The following MVB12B variants were observed in gnomAD, a reference collection of about 807,000 sequenced individuals.
The protein encoded by MVB12B is multivesicular body subunit 12B.
In MVB12B, 16 loss-of-function variants were observed where a neutral mutation model predicts 41.6. The observed-to-expected ratio is 0.38, with a 90% confidence interval of 0.26 to 0.58. The LOEUF is 0.58. MVB12B is among the 20% of genes least tolerant of loss of function. MVB12B has a pLI of 0.62. For missense variants in MVB12B, 274 were observed against 380.2 expected, an observed-to-expected ratio of 0.72 and a Z score of 2.32; for synonymous variants, 133 against 139.7, an observed-to-expected ratio of 0.95 and a Z score of 0.34.
intron 3 of MVB12B, among the ~76,000 whole-genome samples, chr9:126,384,190 C>T (rs1338411650): frequency 6.6e-6 from 1 of 152,118 alleles, no homozygotes; most frequent in Admixed American, 6.5e-5. Flanking sequence ...CCTACACGGT[C>T]AGAGATTTAT....
Position 126,376,357 on chromosome 9 carries a change from A to G in MVB12B, c.205-4707A>G. 2.2e-6 allele frequency: 1 copy of G among 459,740 alleles called. No individual in the cohort carries two copies. Among genetic ancestry groups the G allele is most frequent in the South Asian group, 1.7e-5 (1 of 59,802 alleles). The allele number at this position is 459,740 out of a possible 1,614,324, so 28.5% of individuals were successfully genotyped here. ...CCCCCTATTCTCTTTGCTACCTTCA[A>G]GCTCCCTTTTTTCTATTTTGGGCCC... On this transcript the variant is annotated intron_variant, in intron 2 of 9. Transcript: ENST00000361171. The surrounding 1 kb of genome is among the most constrained non-coding windows in gnomAD (Gnocchi z 4.1).
At chr9:126,354,687 G>A (rs1002774248) in intron 2 of MVB12B, among the ~76,000 whole-genome samples, 5 of 152,186 alleles carry the variant, frequency 3.3e-5, no homozygotes, top group African/African-American at 9.7e-5. Context: ...ACACACATGC[G>A]TGGGAATGCA....
intron 9 of MVB12B, among the ~76,000 whole-genome samples, chr9:126,490,312 G>C (rs1833706052): frequency 6.6e-6 from 1 of 152,146 alleles, no homozygotes; most frequent in Non-Finnish European, 1.5e-5. Flanking sequence ...ATCCGTGGAA[G>C]ACCTCACCAT....
At chr9:126,337,177 T>C (rs1829307776) in intron 1 of MVB12B, among the ~76,000 whole-genome samples, 1 of 152,092 alleles carries the variant, frequency 6.6e-6, no homozygotes, top group South Asian at 2.1e-4. Context: ...TTCCCCCTCC[T>C]CCTGATTGGC....
chr9:126,466,449 A>G (rs1421529121), intron 7 of MVB12B, among the ~76,000 whole-genome samples: 1 of 152,208 alleles, frequency 6.6e-6, no homozygotes, highest in Non-Finnish European at 1.5e-5. Flanking sequence ...TCAAGGGGTG[A>G]AGAAATAGAT....
intron 7 of MVB12B, among the ~76,000 whole-genome samples, chr9:126,461,993 T>C (rs1234828838): frequency 1.3e-5 from 2 of 152,280 alleles, no homozygotes; most frequent in African/African-American, 4.8e-5. Flanking sequence ...TCGCTGAGTC[T>C]GTGCTTTATG....
At chr9:126,481,862 G>A (rs1696270892) in intron 8 of MVB12B, among the ~76,000 whole-genome samples, 1 of 152,198 alleles carries the variant, frequency 6.6e-6, no homozygotes, top group Non-Finnish European at 1.5e-5. Context: ...ACTTAAGGAT[G>A]ACAATTTCCT....
chr9:126,494,772 A>G (rs1042616470), intron 9 of MVB12B, among the ~76,000 whole-genome samples: 1 of 152,148 alleles, frequency 6.6e-6, no homozygotes, highest in Non-Finnish European at 1.5e-5. Context: ...AATCTCTTCT[A>G]CAAACTATCT....
chr9:126,389,486 T>G lies in MVB12B; in HGVS notation c.410-2580T>G, dbSNP rs1830884886. 6.6e-6 allele frequency among the ~76,000 whole-genome samples: 1 copy of G among 152,206 alleles called. No homozygotes were observed. Among genetic ancestry groups the G allele is most frequent in the African/African-American group, 2.4e-5 (1 of 41,462 alleles). ...TGTTCATTAGCATGACTGAACACAT[T>G]TCTATTGACTATGTATAATATGTTT... is the stretch of plus-strand genomic sequence containing the variant. On this transcript the variant is annotated intron_variant, in intron 4 of 9. Coordinates refer to ENST00000361171, the MANE Select transcript of MVB12B (RefSeq NM_033446.3). This position sits in a 1 kb window ranked among gnomAD's most constrained non-coding sequence, Gnocchi z 4.4.
chr9:126,430,568 G>A (rs1330970199), intron 7 of MVB12B, among the ~76,000 whole-genome samples: 3 of 147,218 alleles, frequency 2.0e-5, no homozygotes, highest in Non-Finnish European at 4.5e-5. Flanking sequence ...GAGAATGGAG[G>A]CTCCCCTCTT....
At chr9:126,393,782 A>G (rs1263340197) in intron 5 of MVB12B, among the ~76,000 whole-genome samples, 2 of 152,226 alleles carry the variant, frequency 1.3e-5, no homozygotes, top group Non-Finnish European at 2.9e-5. Context: ...TTCCCTGGCC[A>G]GGGCTGGCAG....
Position 126,386,319 on chromosome 9 carries a change from G to C in MVB12B, c.313-243G>C, listed in dbSNP as rs1433531845. 6.6e-6 allele frequency among the ~76,000 whole-genome samples: 1 copy of C among 152,164 alleles called. No homozygotes were observed. The highest frequency in any genetic ancestry group is 2.4e-5 in the African/African-American group (1 of 41,418). ...CTAAAGCATCTCCTGGGTTGCTCCT[G>C]CCTCACCAAGGCCGTGTCTGAGTTG... On this transcript the variant is annotated intron_variant, in intron 3 of 9. Transcript: ENST00000361171. The surrounding 1 kb of genome is among the most constrained non-coding windows in gnomAD (Gnocchi z 4.3).
chr9:126,421,996 G>A (rs1387400590), intron 7 of MVB12B, 48 bp downstream of exon 7: 2 of 1,351,768 alleles, frequency 1.5e-6, no homozygotes, highest in East Asian at 2.4e-5. Flanking sequence ...TGTGTCCCGG[G>A]CGCCACCTCC....
chr9:126,416,831 C>T (rs1212885484), intron 6 of MVB12B, among the ~76,000 whole-genome samples: 1 of 152,276 alleles, frequency 6.6e-6, no homozygotes, highest in South Asian at 2.1e-4. Context: ...GCAGGTGGGG[C>T]TCCATCCCAC....
Position 126,473,789 on chromosome 9 carries a change from T to C in MVB12B, c.758-7580T>C, listed in dbSNP as rs1833370901. On this transcript the variant is annotated intron_variant, in intron 7 of 9. Coordinates refer to ENST00000361171, the MANE Select transcript of MVB12B (RefSeq NM_033446.3). The surrounding 1 kb of genome is among the most constrained non-coding windows in gnomAD (Gnocchi z 4.0). ...CAATACCGGGGATTACAATTGAACA[T>C]GAGATTTGGGTATTTGGGTGGGGAC... Among the ~76,000 whole-genome samples the C allele has an allele frequency of 6.6e-6, 1 of 152,066 alleles. No homozygotes were observed. Among genetic ancestry groups the C allele is most frequent in the Non-Finnish European group, 1.5e-5 (1 of 67,984 alleles).
rs566583030 is a variant in MVB12B, at chr9:126,407,984, C to T, written c.662+12287C>T. On this transcript the variant is annotated intron_variant, in intron 6 of 9. Transcript: ENST00000361171. ...GCCAAGGAAGAACCCCCAAACCTTCCGATGGGTGGTTAAGAAAAAGAATTG... is the reference window on the plus strand; with the variant it reads ...GCCAAGGAAGAACCCCCAAACCTTCTGATGGGTGGTTAAGAAAAAGAATTG... The T allele has an allele frequency of 7.8e-4, 118 of 152,224 alleles. 1 individual carries two copies. The highest frequency in any genetic ancestry group is 2.8e-3 in the African/African-American group (115 of 41,518). The allele number at this position is 152,224 out of a possible 1,614,324, so 9.4% of individuals were successfully genotyped here. A position where few individuals can be genotyped will look rare whatever the true frequency, so the allele number is the denominator to read the frequency against.
At chr9:126,502,988 C>T (rs912469039) in intron 9 of MVB12B, among the ~76,000 whole-genome samples, 189 bp from the exon 10 acceptor site, 9 of 152,230 alleles carry the variant, frequency 5.9e-5, no homozygotes, top group Non-Finnish European at 1.3e-4. Flanking sequence ...CACGCACACA[C>T]GCCACATGCA....
intron 1 of MVB12B, among the ~76,000 whole-genome samples, chr9:126,330,638 C>G (rs1829104633): frequency 6.6e-6 from 1 of 152,158 alleles, no homozygotes; most frequent in African/African-American, 2.4e-5. Flanking sequence ...AATTGACCAT[C>G]CTACTCATCT....
chr9:126,492,875 A>G (rs1283984130), intron 9 of MVB12B, among the ~76,000 whole-genome samples: 1 of 152,210 alleles, frequency 6.6e-6, no homozygotes, highest in Non-Finnish European at 1.5e-5. Flanking sequence ...CCACTCTTCA[A>G]GTTGAACAAC....
Sources: allele counts gnomAD v4.1 joint callset (sites outside exome capture counted in the v4.1 genomes callset), GRCh38; gene constraint gnomAD v4.1.1; non-coding constraint Gnocchi (gnomAD v3.1); transcripts MANE v1.5; gene names NCBI Gene and HGNC (gene_info 2026-07-23, HGNC 2026-07-21).